ANKRD6: variants seen among roughly 807,000 people sequenced by gnomAD.
The protein encoded by ANKRD6 is ankyrin repeat domain-containing protein 6.
In ANKRD6, 56 loss-of-function variants were observed where a neutral mutation model predicts 82.3. The ratio of observed to expected loss-of-function variants is 0.68; its 90% CI spans 0.55 to 0.85. The LOEUF is 0.85. Ranked by LOEUF, ANKRD6 falls within the 40% of genes least tolerant of loss-of-function variation. The pLI is 0.00. For synonymous variants in ANKRD6, 347 were observed against 352.1 expected (o/e 0.99, Z 0.16); for missense variants, 852 against 907.6 (o/e 0.94, Z 0.79).
chr6:89,565,327 A>G (rs533501156), intron 1 of ANKRD6: 2 of 152,334 alleles, frequency 1.3e-5, no homozygotes, highest in South Asian at 2.1e-4. Context: ...TGGGTTTGCG[A>G]GAGTTCCTCT....
At chr6:89,464,720 C>T (rs1221068144) in intron 1 of ANKRD6, among the ~76,000 whole-genome samples, 1 of 152,116 alleles carries the variant, frequency 6.6e-6, no homozygotes, top group Non-Finnish European at 1.5e-5. Context: ...TTATTTTATC[C>T]TAGAATGTGA....
chr6:89,445,869 C>T (rs1228255508), intron 1 of ANKRD6, among the ~76,000 whole-genome samples: 9 of 151,980 alleles, frequency 5.9e-5, no homozygotes, highest in Non-Finnish European at 1.2e-4. Flanking sequence ...TGAGCCACTG[C>T]GCCCGGCTGA....
At chr6:89,456,058 A>C (rs144628850) in intron 1 of ANKRD6, among the ~76,000 whole-genome samples, 50 of 152,286 alleles carry the variant, frequency 3.3e-4, no homozygotes, top group African/African-American at 9.1e-4. Context: ...TATTTTTAGT[A>C]GAGACAGGAT....
chr6:89,437,604 T>G (rs566641187), intron 1 of ANKRD6, among the ~76,000 whole-genome samples: 2 of 152,344 alleles, frequency 1.3e-5, no homozygotes, highest in South Asian at 4.1e-4. Flanking sequence ...GAGGCAAATT[T>G]AATTTTAAGA....
At chr6:89,607,929 C>T (rs1207393923) in intron 5 of ANKRD6, among the ~76,000 whole-genome samples, 16 of 105,698 alleles carry the variant, frequency 1.5e-4, no homozygotes, top group Admixed American at 9.9e-4. Flanking sequence ...TGTGCCCCCA[C>T]GCCTGGCTAA....
chr6:89,630,831 T>C lies in ANKRD6; in HGVS notation c.2011T>C (p.Phe671Leu). ...TSQALELTQY[F>L]FEAVSTQMEK... ...CCAAGCTCTGGAGCTTACCCAGTAT[T>C]TTTTTGAGGCTGTTTCTACCCAGAT... The change falls in exon 16 of 16, where the codon TTT becomes CTT. Residue 671 changes from phenylalanine to leucine, a missense_variant. By Grantham distance (22) the Phe-to-Leu change is conservative (BLOSUM62 0). Coordinates refer to ENST00000339746, the MANE Select transcript of ANKRD6 (RefSeq NM_001242809.2). 2 of 1,613,952 alleles carry C rather than the reference T, an allele frequency of 1.2e-6. No homozygotes were observed. Among genetic ancestry groups the C allele is most frequent in the Non-Finnish European group, 1.7e-6 (2 of 1,179,900 alleles).
At chr6:89,487,314 C>T (rs1251473834) in intron 1 of ANKRD6, among the ~76,000 whole-genome samples, 1 of 152,192 alleles carries the variant, frequency 6.6e-6, no homozygotes. Context: ...GACCATACAT[C>T]CCACTAACAA....
chr6:89,435,741 A>G (rs1489135453), intron 1 of ANKRD6, among the ~76,000 whole-genome samples: 1 of 152,252 alleles, frequency 6.6e-6, no homozygotes, highest in Non-Finnish European at 1.5e-5. Flanking sequence ...GTGGGAAAAC[A>G]GTAATTTGGG....
chr6:89,486,182 G>A (rs1159108756), intron 1 of ANKRD6, among the ~76,000 whole-genome samples: 1 of 152,126 alleles, frequency 6.6e-6, no homozygotes, highest in African/African-American at 2.4e-5. Flanking sequence ...TGTAGCCAGT[G>A]ACAGACCATC....
In ANKRD6 at chr6:89,622,017, C is replaced by T; in HGVS notation, c.888C>T (p.Ala296=). ...AGTCTGTGCCAAGAGATGAGGTGGCCCAAAGCAAGGTGGGGGGCAGTCCTC... is the reference window on the plus strand; with the variant it reads ...AGTCTGTGCCAAGAGATGAGGTGGCTCAAAGCAAGGTGGGGGGCAGTCCTC... ...RAQSVPRDEV[A]QSKGSVSAGD... is the part of the protein sequence containing the mutation. Residue 296 remains alanine (A), a synonymous_variant, in exon 10 of 16, where the codon GCC becomes GCT. Transcript: ENST00000339746. The T allele has an allele frequency of 6.2e-7, 1 of 1,612,060 alleles. No homozygotes were observed. The highest frequency in any genetic ancestry group is 8.5e-7 in the Non-Finnish European group (1 of 1,179,778).
At chr6:89,528,352 T>C (rs1161935838) in intron 1 of ANKRD6, among the ~76,000 whole-genome samples, 3 of 152,254 alleles carry the variant, frequency 2.0e-5, no homozygotes, top group Non-Finnish European at 4.4e-5. Flanking sequence ...CAGGAGTAGA[T>C]TTCATCTCAA....
intron 1 of ANKRD6, among the ~76,000 whole-genome samples, chr6:89,449,584 A>G (rs1772552622): frequency 6.6e-6 from 1 of 152,212 alleles, no homozygotes; most frequent in South Asian, 2.1e-4. Context: ...TTATTTCTTT[A>G]GAATTGCAGC....
intron 1 of ANKRD6, among the ~76,000 whole-genome samples, chr6:89,544,754 G>A (rs1330898436): frequency 6.6e-6 from 1 of 152,010 alleles, no homozygotes; most frequent in Non-Finnish European, 1.5e-5. Flanking sequence ...AAAAAAACCA[G>A]TGGGTCCTGA....
intron 9 of ANKRD6, among the ~76,000 whole-genome samples, chr6:89,620,749 TTTTC>T (rs2128243679): frequency 6.6e-6 from 1 of 152,236 alleles, no homozygotes; most frequent in African/African-American, 2.4e-5. Flanking sequence ...GACTCCCCGT[TTTTC>T]TTTCTTTTTC....
intron 1 of ANKRD6, among the ~76,000 whole-genome samples, chr6:89,442,933 G>T (rs1317506166): frequency 6.6e-6 from 1 of 152,106 alleles, no homozygotes; most frequent in African/African-American, 2.4e-5. Context: ...GGGACTAGAG[G>T]GGGTAAGATC....
intron 15 of ANKRD6, 121 bp from the exon 16 acceptor site, chr6:89,630,312 G>T: frequency 8.7e-7 from 1 of 1,154,698 alleles, no homozygotes; most frequent in South Asian, 1.6e-5. Context: ...TACACATGGT[G>T]GGTGGTGATG....
chr6:89,472,541 T>A (rs1775599324), intron 1 of ANKRD6, among the ~76,000 whole-genome samples: 1 of 152,220 alleles, frequency 6.6e-6, no homozygotes, highest in African/African-American at 2.4e-5. Flanking sequence ...ATTTCTTGAC[T>A]CCTGGGTCTT....
At chr6:89,474,479 G>A (rs1043316725) in intron 1 of ANKRD6, among the ~76,000 whole-genome samples, 11 of 152,076 alleles carry the variant, frequency 7.2e-5, no homozygotes, top group African/African-American at 2.4e-4. Flanking sequence ...GTGCAGTGGC[G>A]GGATCTCGGC....
chr6:89,609,823 G>A (rs897473907), intron 5 of ANKRD6, among the ~76,000 whole-genome samples: 3 of 152,028 alleles, frequency 2.0e-5, no homozygotes, highest in South Asian at 4.2e-4. Flanking sequence ...TGTTGGCTGG[G>A]ATGGTCTTGA....
Sources: gnomAD v4.1 joint callset for allele counts (sites outside exome capture counted in the v4.1 genomes callset) on GRCh38, gnomAD v4.1.1 for gene constraint, MANE v1.5 for transcripts, NCBI Gene and HGNC (gene_info 2026-07-23, HGNC 2026-07-21) for gene names.